The following SGCD variants were observed in gnomAD, a reference collection of about 807,000 sequenced individuals.
SGCD encodes sarcoglycan delta, also known as delta-sarcoglycan.
SGCD carries 18 observed loss-of-function variants against 36.6 expected under a neutral mutation model. The ratio of observed to expected loss-of-function variants is 0.49; its 90% CI spans 0.34 to 0.73. The LOEUF (loss-of-function observed/expected upper bound fraction) is 0.73. Among genes scored for constraint, SGCD ranks in the 30% least tolerant of loss-of-function variants. SGCD has a pLI of 0.01. For synonymous variants in SGCD, 133 were observed against 130.6 expected, an observed-to-expected ratio of 1.02 and a Z score of -0.12; for missense variants, 387 against 346.7, an observed-to-expected ratio of 1.12 and a Z score of -0.92.
chr5:156,511,457 T>C (rs955726251), intron 4 of SGCD, among the ~76,000 whole-genome samples: 1 of 152,194 alleles, frequency 6.6e-6, no homozygotes, highest in South Asian at 2.1e-4. Context: ...CTTCAAAATG[T>C]CAAATCGCTC....
the SGCD span, among the ~76,000 whole-genome samples, chr5:155,844,961 G>A: frequency 6.6e-6 from 1 of 152,136 alleles, no homozygotes; most frequent in East Asian, 1.9e-4. Flanking sequence ...ACATGCCATG[G>A]TGGTTTGCTG....
intron 4 of SGCD, among the ~76,000 whole-genome samples, chr5:156,517,244 G>A (rs1425221071): frequency 6.6e-6 from 1 of 152,084 alleles, no homozygotes; most frequent in Non-Finnish European, 1.5e-5. Flanking sequence ...GAATCTCAGA[G>A]CCTGAAGACT....
chr5:156,688,444 T>G (rs978775721), intron 7 of SGCD, among the ~76,000 whole-genome samples: 5 of 152,170 alleles, frequency 3.3e-5, no homozygotes, highest in Admixed American at 6.5e-5. Flanking sequence ...GCCCTCTTAC[T>G]TAAGGGTCTT....
upstream of SGCD, chr5:156,326,715 T>C (rs148799034): frequency 2.6e-4 from 39 of 152,486 alleles, no homozygotes; most frequent in African/African-American, 7.2e-4. Context: ...GGGACTCAAG[T>C]GTAAGGAGCA....
intron 4 of SGCD, among the ~76,000 whole-genome samples, chr5:156,518,024 C>G (rs536797358): frequency 3.9e-5 from 6 of 152,158 alleles, no homozygotes; most frequent in Admixed American, 2.0e-4. Context: ...GCTAATTGCC[C>G]CAATTAAAAG....
intron 1 of SGCD, among the ~76,000 whole-genome samples, chr5:156,110,419 G>A (rs1055194922): frequency 5.3e-5 from 8 of 151,644 alleles, no homozygotes; most frequent in South Asian, 2.1e-4. Flanking sequence ...TATTGGGTTC[G>A]GAGTCCATAG....
intron 1 of SGCD, among the ~76,000 whole-genome samples, chr5:155,873,183 C>T (rs9313343): frequency 0.012 from 1,879 of 152,254 alleles, 36 homozygotes; most frequent in African/African-American, 0.043. Flanking sequence ...TGGTAGGTGT[C>T]CAAGCCAGTT....
intron 3 of SGCD, among the ~76,000 whole-genome samples, chr5:156,378,872 T>G (rs1770819972): frequency 6.6e-6 from 1 of 152,156 alleles, no homozygotes. Context: ...TTTAAAAATG[T>G]ATATTGCATA....
At chr5:156,002,268 G>A (rs1045390202) in intron 1 of SGCD, among the ~76,000 whole-genome samples, 9 of 152,178 alleles carry the variant, frequency 5.9e-5, no homozygotes, top group Non-Finnish European at 1.3e-4. Context: ...ACCACGTGAT[G>A]GCACAGGGAG....
rs145138762 is a variant in SGCD, at chr5:156,555,671, C to CT, written c.295-33548dup. On this transcript the variant is annotated intron_variant, in intron 4 of 8. Transcript: ENST00000337851. ...GAAGTGTAAGGCCTACAAATTTGTT[C>CT]TTTTTTTTTTTTCAAGGTTGTTTTG... 3.1e-3 allele frequency among the ~76,000 whole-genome samples: 424 copies of CT among 135,426 alleles called. 2 individuals are homozygous for CT. Among genetic ancestry groups the CT allele is most frequent in the African/African-American group, 7.9e-3 (288 of 36,674 alleles). The allele number at this position is 135,426 out of a possible 152,430, so 88.8% of individuals were successfully genotyped here. A position where few individuals can be genotyped will look rare whatever the true frequency, so the allele number is the denominator to read the frequency against.
chr5:155,978,226 T>C (rs542523468), intron 1 of SGCD, among the ~76,000 whole-genome samples: 43 of 152,358 alleles, frequency 2.8e-4, no homozygotes, highest in Admixed American at 2.7e-3. Flanking sequence ...GACTATTTGT[T>C]CCAAAATTTT....
chr5:155,808,804 G>C, the SGCD span, among the ~76,000 whole-genome samples: 3 of 152,162 alleles, frequency 2.0e-5, no homozygotes, highest in African/African-American at 7.2e-5. Flanking sequence ...TTCTCATGTT[G>C]TAGTTACATT....
At chr5:156,013,925 CGT>C (rs752594437) in intron 1 of SGCD, among the ~76,000 whole-genome samples, 26 of 150,428 alleles carry the variant, frequency 1.7e-4, no homozygotes, top group Non-Finnish European at 3.1e-4. Flanking sequence ...TTTGTGTGTA[CGT>C]GTGTTTATTT....
intron 3 of SGCD, among the ~76,000 whole-genome samples, chr5:156,492,849 G>T (rs1481016819): frequency 1.3e-5 from 2 of 152,082 alleles, no homozygotes; most frequent in Non-Finnish European, 2.9e-5. Flanking sequence ...TTGCTGAGAA[G>T]GATGGTTTCC....
the SGCD span, among the ~76,000 whole-genome samples, chr5:155,819,242 T>C: frequency 2.0e-4 from 30 of 152,228 alleles, no homozygotes; most frequent in African/African-American, 7.0e-4. Context: ...ATCTTCTCTA[T>C]AAACTTGAAA....
intron 3 of SGCD, among the ~76,000 whole-genome samples, chr5:156,365,569 C>T (rs17555767): frequency 0.4 from 61,344 of 151,984 alleles, 13,273 homozygotes; most frequent in East Asian, 0.78. Context: ...TTGAGTTCAT[C>T]TGCACTACAG....
the SGCD span, among the ~76,000 whole-genome samples, chr5:155,827,170 G>T: frequency 1.3e-5 from 2 of 152,110 alleles, no homozygotes; most frequent in African/African-American, 4.8e-5. Context: ...CAGCTTTAGA[G>T]CCAGAAATAC....
chr5:156,310,003 C>T (rs563065699), intron 3 of SGCD, among the ~76,000 whole-genome samples: 6 of 152,180 alleles, frequency 3.9e-5, no homozygotes, highest in Admixed American at 2.0e-4. Flanking sequence ...AGATTCTCTT[C>T]CTCAGGGTTT....
intron 1 of SGCD, among the ~76,000 whole-genome samples, chr5:155,871,562 G>A (rs1755655311): frequency 1.3e-5 from 2 of 152,172 alleles, no homozygotes; most frequent in Admixed American, 1.3e-4. Flanking sequence ...CTGTAGGCCA[G>A]TGCTAGGGAG....
Sources: allele counts gnomAD v4.1 joint callset (sites outside exome capture counted in the v4.1 genomes callset), GRCh38; gene constraint gnomAD v4.1.1; transcripts MANE v1.5; gene names NCBI Gene and HGNC (gene_info 2026-07-23, HGNC 2026-07-21).